The following IL16 variants were observed in gnomAD, a reference collection of about 807,000 sequenced individuals.
The protein encoded by IL16 is interleukin 16.
A neutral mutation model predicts 110.1 loss-of-function variants in IL16; 67 were observed. The ratio of observed to expected loss-of-function variants is 0.61; its 90% confidence interval spans 0.50 to 0.75. The LOEUF (loss-of-function observed/expected upper bound fraction) is 0.75. IL16 is among the 30% of genes least tolerant of loss of function. IL16 has a pLI of 0.00. For synonymous variants in IL16, 689 were observed against 662.9 expected, an observed-to-expected ratio of 1.04 and a Z score of -0.61; for missense variants, 1,545 against 1,655.0, an observed-to-expected ratio of 0.93 and a Z score of 1.15.
intron 1 of IL16, among the ~76,000 whole-genome samples, chr15:81,218,209 T>C (rs1896497434): frequency 1.3e-5 from 2 of 152,046 alleles, no homozygotes; most frequent in Admixed American, 1.3e-4. Flanking sequence ...CTTATGTATA[T>C]ACAAAGACTA....
At chr15:81,258,105 G>A (rs1325241358) in intron 2 of IL16, among the ~76,000 whole-genome samples, 3 of 152,130 alleles carry the variant, frequency 2.0e-5, no homozygotes, top group Admixed American at 6.5e-5. Context: ...GATCATTGTG[G>A]CTAACAAAGT....
At chr15:81,284,870 G>A (rs1899369108) in intron 9 of IL16, among the ~76,000 whole-genome samples, 1 of 152,186 alleles carries the variant, frequency 6.6e-6, no homozygotes, top group South Asian at 2.1e-4. Context: ...CAGCAGAGTT[G>A]AATAGTTTCG....
intron 18 of IL16, among the ~76,000 whole-genome samples, chr15:81,308,108 T>A (rs904100306): frequency 6.6e-6 from 1 of 152,228 alleles, no homozygotes; most frequent in Non-Finnish European, 1.5e-5. Context: ...TTTCCTTTTT[T>A]ATGTGGACAC....
intron 13 of IL16, among the ~76,000 whole-genome samples, chr15:81,297,371 C>A (rs999655257): frequency 6.6e-6 from 1 of 152,102 alleles, no homozygotes; most frequent in Non-Finnish European, 1.5e-5. Context: ...CAAAGACACA[C>A]CCACCCAGCC....
chr15:81,209,192 C>T (rs922371255), intron 1 of IL16, among the ~76,000 whole-genome samples: 3 of 152,066 alleles, frequency 2.0e-5, no homozygotes, highest in African/African-American at 4.8e-5. Flanking sequence ...AGGGACAAAC[C>T]AGATCATTCT....
chr15:81,301,551 T>G (rs1900287933), intron 15 of IL16, 39 bp downstream of exon 15: 1 of 1,581,656 alleles, frequency 6.3e-7, no homozygotes, highest in Non-Finnish European at 8.6e-7. Flanking sequence ...AACCAATGGC[T>G]TATTATGGCT....
chr15:81,189,101 A>G (rs1895459630), intron 1 of IL16, among the ~76,000 whole-genome samples: 1 of 150,076 alleles, frequency 6.7e-6, no homozygotes, highest in Non-Finnish European at 1.5e-5. Context: ...CTATAGGCAC[A>G]TGCCACCATG....
At chr15:81,272,944 TAAC>T (rs1567029532) in intron 5 of IL16, 143 bp from the exon 6 acceptor site, 74 of 551,310 alleles carry the variant, frequency 1.3e-4, no homozygotes, top group Middle Eastern at 5.0e-4. Flanking sequence ...TTGTTGTTGT[TAAC>T]CTCTGAGACC....
chr15:81,271,284 A>AAATAAAAT (rs1225033574), intron 5 of IL16, among the ~76,000 whole-genome samples: 1 of 150,194 alleles, frequency 6.7e-6, no homozygotes, highest in South Asian at 2.1e-4. Flanking sequence ...AAATTAAATA[A>AAATAAAAT]AATAAAATAA....
intron 2 of IL16, among the ~76,000 whole-genome samples, chr15:81,231,927 C>A (rs910096067): frequency 1.3e-5 from 2 of 151,682 alleles, no homozygotes; most frequent in African/African-American, 4.8e-5. Flanking sequence ...TTTCTGGTTT[C>A]TCTATTCTGA....
At chr15:81,242,953 G>T (rs546750155) in intron 2 of IL16, among the ~76,000 whole-genome samples, 1 of 150,998 alleles carries the variant, frequency 6.6e-6, no homozygotes, top group South Asian at 2.1e-4. Flanking sequence ...AAATTTTTTT[G>T]CATTCATTGA....
chr15:81,276,778 C>T (rs1898930281), intron 6 of IL16, among the ~76,000 whole-genome samples: 1 of 152,138 alleles, frequency 6.6e-6, no homozygotes, highest in Non-Finnish European at 1.5e-5. Flanking sequence ...GAAAAACTGG[C>T]AGTGACCTGG....
intron 8 of IL16, among the ~76,000 whole-genome samples, chr15:81,280,238 C>G (rs1015218533): frequency 1.3e-5 from 2 of 152,226 alleles, no homozygotes; most frequent in Admixed American, 6.5e-5. Context: ...TCGGAGCCCT[C>G]TCTGCCTGAA....
At chr15:81,187,579 T>A (rs1350027493) in intron 1 of IL16, among the ~76,000 whole-genome samples, 1 of 152,168 alleles carries the variant, frequency 6.6e-6, no homozygotes, top group Non-Finnish European at 1.5e-5. Context: ...TGAGTGACAG[T>A]AAGACTTTGT....
intron 1 of IL16, among the ~76,000 whole-genome samples, chr15:81,223,531 A>C (rs1229689132): frequency 6.6e-6 from 1 of 152,226 alleles, no homozygotes; most frequent in African/African-American, 2.4e-5. Context: ...TCCTGCTTTT[A>C]CTGAGTCCTA....
At chr15:81,269,684 G>C (rs920594022) in intron 5 of IL16, 36 bp downstream of exon 5, 1 of 1,453,864 alleles carries the variant, frequency 6.9e-7, no homozygotes, top group African/African-American at 1.4e-5. Context: ...AAGTCCTGGG[G>C]GGCAGCACCA....
intron 1 of IL16, among the ~76,000 whole-genome samples, chr15:81,204,796 G>A (rs1349059269): frequency 6.6e-6 from 1 of 151,714 alleles, no homozygotes; most frequent in Non-Finnish European, 1.5e-5. Flanking sequence ...ATTGGAAGCA[G>A]CCTGCACCAA....
At chr15:81,245,831 G>A (rs1298405859) in intron 2 of IL16, among the ~76,000 whole-genome samples, 1 of 135,348 alleles carries the variant, frequency 7.4e-6, no homozygotes, top group Non-Finnish European at 1.5e-5. Flanking sequence ...AAGTCATCTT[G>A]TCATTCCTTG....
At chr15:81,210,315 T>C (rs1484806183) in intron 1 of IL16, among the ~76,000 whole-genome samples, 1 of 152,220 alleles carries the variant, frequency 6.6e-6, no homozygotes, top group Admixed American at 6.5e-5. Flanking sequence ...TCTTCTGTTC[T>C]TTTTGCTTAA....
Sources: allele counts gnomAD v4.1 joint callset (sites outside exome capture counted in the v4.1 genomes callset), GRCh38; gene constraint gnomAD v4.1.1; transcripts MANE v1.5; gene names NCBI Gene and HGNC (gene_info 2026-07-23, HGNC 2026-07-21).